The following ARHGAP26 variants were observed in gnomAD, a reference collection of about 807,000 sequenced individuals.
The protein encoded by ARHGAP26 is Rho GTPase activating protein 26.
ARHGAP26 carries 38 observed loss-of-function variants against 104.8 expected under a neutral mutation model. The observed-to-expected ratio is 0.36, with a 90% CI of 0.28 to 0.48. The LOEUF (loss-of-function observed/expected upper bound fraction) is 0.48, where lower values mean the gene tolerates loss of function less well. ARHGAP26 is among the 20% of genes least tolerant of loss of function. The probability of loss-of-function intolerance (pLI) is 0.99; values close to 1 mark genes in which losing one functional copy is unlikely to be tolerated. For synonymous variants in ARHGAP26, 341 were observed against 340.0 expected (o/e 1.00, Z -0.03); for missense variants, 704 against 947.9 (o/e 0.74, Z 3.38).
chr5:142,914,535 G>C (rs1032148346), intron 10 of ARHGAP26, among the ~76,000 whole-genome samples: 1 of 152,240 alleles, frequency 6.6e-6, no homozygotes, highest in Admixed American at 6.5e-5. Flanking sequence ...CAGAGGGGCA[G>C]ATAATAAGTG....
At chr5:143,059,952 A>C (rs1786460836) in intron 17 of ARHGAP26, among the ~76,000 whole-genome samples, 1 of 152,200 alleles carries the variant, frequency 6.6e-6, no homozygotes. Flanking sequence ...GAAGGATATG[A>C]ATGAGCAGTG....
chr5:143,130,634 T>C (rs1797223226), intron 18 of ARHGAP26, among the ~76,000 whole-genome samples: 1 of 152,176 alleles, frequency 6.6e-6, no homozygotes, highest in South Asian at 2.1e-4. Flanking sequence ...CAAAATGAAA[T>C]AGGATTGGAA....
intron 1 of ARHGAP26, among the ~76,000 whole-genome samples, chr5:142,808,374 C>G (rs1763441445): frequency 6.8e-6 from 1 of 148,050 alleles, no homozygotes; most frequent in African/African-American, 2.5e-5. Flanking sequence ...TCCCAATCAT[C>G]TAATTGGTGT....
chr5:142,796,434 T>C (rs943598086), intron 1 of ARHGAP26, among the ~76,000 whole-genome samples: 1 of 152,248 alleles, frequency 6.6e-6, no homozygotes, highest in African/African-American at 2.4e-5. Flanking sequence ...TCTGTGATTA[T>C]AATCGCTGGT....
intron 1 of ARHGAP26, among the ~76,000 whole-genome samples, chr5:142,851,200 G>A (rs1046992268): frequency 5.9e-5 from 9 of 151,604 alleles, no homozygotes; most frequent in African/African-American, 2.2e-4. Flanking sequence ...GAGTTAAAGC[G>A]ATTTTTCTGC....
chr5:143,031,435 G>A (rs1781822955), intron 12 of ARHGAP26, among the ~76,000 whole-genome samples: 1 of 152,190 alleles, frequency 6.6e-6, no homozygotes, highest in Admixed American at 6.5e-5. Context: ...TGATGATGAT[G>A]AAGAAATTGG....
Position 142,794,615 on chromosome 5 carries a change from G to A in ARHGAP26, c.154+23700G>A, listed in dbSNP as rs1760586726. 3.3e-5 allele frequency among the ~76,000 whole-genome samples: 5 copies of A among 152,286 alleles called. No individual in the cohort carries two copies. In the South Asian group the frequency reaches 1.0e-3, roughly 32 times the overall value. ...TTAGTATTAGGCACCACCAGGATTG[G>A]GCAGACTGTGAGCAGCCTAAGAATA... On this transcript the variant is annotated intron_variant, in intron 1 of 22. Coordinates refer to ENST00000645722, the MANE Select transcript of ARHGAP26 (RefSeq NM_001135608.3).
chr5:143,124,033 A>G lies in ARHGAP26; in HGVS notation c.1698+2886A>G, dbSNP rs1436375470. Among the ~76,000 whole-genome samples, 10 of 152,220 alleles carry G rather than the reference A, an allele frequency of 6.6e-5. 1 individual carries two copies. The highest frequency in any genetic ancestry group is 6.5e-4 in the Admixed American group (10 of 15,284). On this transcript the variant is annotated intron_variant, in intron 18 of 22. Coordinates refer to ENST00000645722, the MANE Select transcript of ARHGAP26 (RefSeq NM_001135608.3). Reference sequence around the variant, plus strand: ...CTTCTTCTGTCTAGTCTTAGTGTCAAAAGTTAGACAAAATCCTGAAACCCT... The same window carrying G: ...CTTCTTCTGTCTAGTCTTAGTGTCAGAAGTTAGACAAAATCCTGAAACCCT...
At chr5:143,005,102 A>G (rs375278163) in intron 11 of ARHGAP26, among the ~76,000 whole-genome samples, 2 of 152,344 alleles carry the variant, frequency 1.3e-5, no homozygotes, top group South Asian at 4.1e-4. Flanking sequence ...AAAAATTACC[A>G]CAACCCTTGT....
intron 6 of ARHGAP26, among the ~76,000 whole-genome samples, chr5:142,900,709 T>C (rs1299634662): frequency 6.6e-6 from 1 of 152,134 alleles, no homozygotes; most frequent in Non-Finnish European, 1.5e-5. Flanking sequence ...GGGATTATGT[T>C]TAGTAAGTAA....
chr5:142,841,404 A>G (rs1281131328), intron 1 of ARHGAP26, among the ~76,000 whole-genome samples: 1 of 152,230 alleles, frequency 6.6e-6, no homozygotes, highest in Non-Finnish European at 1.5e-5. Context: ...AATCCAGGAC[A>G]TCATTGCCGT....
intron 1 of ARHGAP26, among the ~76,000 whole-genome samples, chr5:142,794,925 T>A (rs745536112): frequency 7.2e-5 from 11 of 152,200 alleles, no homozygotes; most frequent in Non-Finnish European, 1.2e-4. Flanking sequence ...TTGTTGTGAA[T>A]CTGTTGATGT....
intron 1 of ARHGAP26, among the ~76,000 whole-genome samples, chr5:142,839,146 T>C (rs1770215853): frequency 6.6e-6 from 1 of 152,248 alleles, no homozygotes. Context: ...TTTACATTTA[T>C]TTTGTGATGT....
chr5:142,860,732 G>T (rs559271457), intron 1 of ARHGAP26, among the ~76,000 whole-genome samples: 1 of 152,252 alleles, frequency 6.6e-6, no homozygotes, highest in East Asian at 1.9e-4. Flanking sequence ...CTTCTACCAC[G>T]AGCATTAATT....
chr5:143,086,228 G>A (rs1790569819), intron 17 of ARHGAP26, among the ~76,000 whole-genome samples: 2 of 152,176 alleles, frequency 1.3e-5, no homozygotes, highest in African/African-American at 4.8e-5. Flanking sequence ...GTTGCATATA[G>A]CCATTCAAGG....
At chr5:143,037,293 A>T (rs745837581) in intron 13 of ARHGAP26, 32 bp downstream of exon 13, 2 of 1,544,478 alleles carry the variant, frequency 1.3e-6, no homozygotes, top group Non-Finnish European at 8.9e-7. Context: ...CATTGTTCTC[A>T]TAGAAGGTCA....
At chr5:142,960,996 G>T (rs941698730) in intron 11 of ARHGAP26, among the ~76,000 whole-genome samples, 2 of 152,094 alleles carry the variant, frequency 1.3e-5, no homozygotes, top group Admixed American at 1.3e-4. Flanking sequence ...ATTACCACTT[G>T]CCTCTTCCCC....
intron 20 of ARHGAP26, 124 bp downstream of exon 20, chr5:143,147,505 C>CAGTTTAGGGAGGAGGT: frequency 8.5e-7 from 1 of 1,172,322 alleles, no homozygotes; most frequent in South Asian, 1.7e-5. Context: ...AACCTCCTCC[C>CAGTTTAGGGAGGAGGT]TAAACTGGGA....
chr5:143,114,654 A>C (rs777103768), intron 17 of ARHGAP26, among the ~76,000 whole-genome samples: 2 of 152,130 alleles, frequency 1.3e-5, no homozygotes, highest in Admixed American at 6.5e-5. Flanking sequence ...ACTTACCTAT[A>C]ATACTTTCAG....
Sources: allele counts gnomAD v4.1 joint callset (sites outside exome capture counted in the v4.1 genomes callset), GRCh38; gene constraint gnomAD v4.1.1; transcripts MANE v1.5; gene names NCBI Gene and HGNC (gene_info 2026-07-23, HGNC 2026-07-21).